Variants in MYOC observed in about 807,000 individuals in gnomAD.
MYOC encodes the protein myocilin.
Under a neutral mutation model 28.2 loss-of-function variants are expected in MYOC, and 29 were observed. The ratio of observed to expected loss-of-function variants is 1.03; its 90% CI spans 0.77 to 1.40. MYOC has a LOEUF of 1.40. MYOC is among the 40% of genes most tolerant of loss of function. The pLI is 0.00. For missense variants in MYOC, 569 were observed against 620.6 expected, an observed-to-expected ratio of 0.92 and a Z score of 0.88; for synonymous variants, 240 against 245.6, an observed-to-expected ratio of 0.98 and a Z score of 0.21.
In MYOC at chr1:171,652,224, G is replaced by C; in HGVS notation, c.388C>G (p.Gln130Glu). The C allele has an allele frequency of 6.2e-7, 1 of 1,614,176 alleles. No homozygotes were observed. The highest frequency in any genetic ancestry group is 8.5e-7 in the Non-Finnish European group (1 of 1,180,022). ...ELGTLRRERD[Q>E]LETQTRELET... Reference sequence around the variant, plus strand: ...AACTCTCTGGTTTGGGTTTCCAGCTGGTCCCGCTCCCGCCTCAGGGTGCCC... The same window carrying C: ...AACTCTCTGGTTTGGGTTTCCAGCTCGTCCCGCTCCCGCCTCAGGGTGCCC... The change falls in exon 1 of 3, where the codon CAG becomes GAG. Residue 130 changes from glutamine (Q) to glutamate (E), a missense_variant. Gln to Glu is a conservative substitution (Grantham distance 29). Coordinates refer to ENST00000037502, the MANE Select transcript of MYOC (RefSeq NM_000261.2).
rs1030834727 is a variant in MYOC at position 171,652,469 on chromosome 1, T to G, written c.143A>C (p.Gln48Pro). ...GGGACTGGCCACACTGAAGGTATAC[T>G]GGCATCGGCCACTCTGGTCATTGGC... The part of the protein sequence containing the change: ...RKANDQSGRC[Q>P]YTFSVASPNE... Residue 48 changes from glutamine to proline, a missense_variant, in exon 1 of 3, where the codon CAG becomes CCG. Gln to Pro is a moderately conservative substitution (Grantham distance 76). Coordinates refer to ENST00000037502, the MANE Select transcript of MYOC (RefSeq NM_000261.2). The G allele has an allele frequency of 1.9e-6, 3 of 1,614,080 alleles. No homozygotes were observed. The highest frequency in any genetic ancestry group is 2.5e-6 in the Non-Finnish European group (3 of 1,180,046).
rs761755712 is a variant in MYOC at position 171,636,573 on chromosome 1, G to T, written c.867C>A (p.Asp289Glu). Residue 289 changes from aspartate (D) to glutamate (E), a missense_variant, in exon 3 of 3, where the codon GAC becomes GAA. Physicochemically the swap from Asp to Glu is conservative, Grantham distance 45. Coordinates refer to ENST00000037502, the MANE Select transcript of MYOC (RefSeq NM_000261.2). ...PYTQETTWRI[D>E]TVGTDVRQVF... ...CCTGGCGGACATCCGTGCCAACTGT[G>T]TCGATTCTCCACGTGGTCTCCTGGG... 6.2e-7 allele frequency: 1 copy of T among 1,610,978 alleles called. No individual in the cohort carries two copies. Among genetic ancestry groups the T allele is most frequent in the Admixed American group, 1.7e-5 (1 of 59,796 alleles).
chr1:171,648,534 G>A (rs1653258296), intron 1 of MYOC, among the ~76,000 whole-genome samples: 1 of 150,628 alleles, frequency 6.6e-6, no homozygotes, highest in South Asian at 2.1e-4. Flanking sequence ...CAGGAGACCA[G>A]TCCAAAGCAG....
Position 171,636,530 on chromosome 1 carries a change from T to G in MYOC, c.910A>C (p.Ile304Leu). The G allele has an allele frequency of 6.2e-7, 1 of 1,609,754 alleles. No individual in the cohort carries two copies. The highest frequency in any genetic ancestry group is 8.5e-7 in the Non-Finnish European group (1 of 1,177,258). The change falls in exon 3 of 3, where the codon ATC becomes CTC. Residue 304 changes from isoleucine to leucine, a missense_variant. Physicochemically the swap from Ile to Leu is conservative, Grantham distance 5 (BLOSUM62 2). Transcript: ENST00000037502. ...DVRQVFEYDLISQFMQGYPSK... is the reference protein window; with the variant it reads ...DVRQVFEYDLLSQFMQGYPSK... The stretch of plus-strand genomic sequence containing the variant: ...GGGTAGCCCTGCATAAACTGGCTGA[T>G]GAGGTCATACTCAAAAACCTGGCGG...
intron 1 of MYOC, among the ~76,000 whole-genome samples, chr1:171,647,740 C>T (rs908944345): frequency 6.6e-6 from 1 of 152,136 alleles, no homozygotes; most frequent in Non-Finnish European, 1.5e-5. Context: ...TGTTGAACAC[C>T]TCAGGTTTCT....
Position 171,652,232 on chromosome 1 carries a change from T to C in MYOC, c.380A>G (p.Glu127Gly). Residue 127 changes from glutamate (E) to glycine (G), a missense_variant, in exon 1 of 3, where the codon GAG (glutamate) becomes GGG (glycine). Physicochemically the swap from Glu to Gly is moderately conservative, Grantham distance 98. Transcript: ENST00000037502. Reference protein sequence around the residue: ...LQRELGTLRRERDQLETQTRE... With the variant: ...LQRELGTLRRGRDQLETQTRE... ...GGTTTGGGTTTCCAGCTGGTCCCGC[T>C]CCCGCCTCAGGGTGCCCAGCTCCCT... The C allele has an allele frequency of 6.2e-7, 1 of 1,614,184 alleles. No homozygotes were observed. Among genetic ancestry groups the C allele is most frequent in the Non-Finnish European group, 8.5e-7 (1 of 1,180,030 alleles).
chr1:171,638,090 A>C (rs1309495734), intron 2 of MYOC, among the ~76,000 whole-genome samples: 2 of 152,214 alleles, frequency 1.3e-5, no homozygotes. Context: ...TGGAAATCAC[A>C]GTATTAGTCA....
chr1:171,648,878 G>C (rs945473876), intron 1 of MYOC, among the ~76,000 whole-genome samples: 4 of 150,600 alleles, frequency 2.7e-5, no homozygotes, highest in African/African-American at 9.7e-5. Flanking sequence ...GTAGAGACAA[G>C]TTTTCACCAC....
intron 1 of MYOC, among the ~76,000 whole-genome samples, chr1:171,639,975 A>AAAAAAAAAAAG: frequency 7.4e-6 from 1 of 134,278 alleles, no homozygotes; most frequent in African/African-American, 2.8e-5. Flanking sequence ...AAAAAAAAAG[A>AAAAAAAAAAAG]AGTGTGGCTC....
chr1:171,645,007 C>T lies in MYOC; in HGVS notation c.605-6285G>A, dbSNP rs141071125. Among the ~76,000 whole-genome samples the T allele has an allele frequency of 2.4e-4, 37 of 152,272 alleles. No homozygotes were observed. The East Asian group carries it at 6.4e-3, about 26-fold the overall frequency. On this transcript the variant is annotated intron_variant, in intron 1 of 2. Transcript: ENST00000037502. Reference sequence around the variant, plus strand: ...GCTGAGGAGGTGTGTCAGTTATAAACGCATTGCCTCTCAGAGCTGAATGCA... The same window carrying T: ...GCTGAGGAGGTGTGTCAGTTATAAATGCATTGCCTCTCAGAGCTGAATGCA...
In MYOC at chr1:171,636,192, G is replaced by C; in HGVS notation, c.1248C>G (p.Thr416=). The C allele has an allele frequency of 1.9e-6, 3 of 1,614,154 alleles. No homozygotes were observed. The highest frequency in any genetic ancestry group is 2.5e-6 in the Non-Finnish European group (3 of 1,180,030). The change falls in exon 3 of 3, where the codon ACC becomes ACG. Residue 416 remains threonine, a synonymous_variant. Coordinates refer to ENST00000037502, the MANE Select transcript of MYOC (RefSeq NM_000261.2). The part of the protein sequence containing the change: ...LNPENLELEQ[T]WETNIRKQSV... ...ACTGCTTACGGATGTTTGTCTCCCAGGTTTGTTCGAGTTCCAGATTCTCTG... is the reference window on the plus strand; with the variant it reads ...ACTGCTTACGGATGTTTGTCTCCCACGTTTGTTCGAGTTCCAGATTCTCTG...
rs1653108087 is a variant in MYOC at position 171,642,797 on chromosome 1, T to C, written c.605-4075A>G. 1.3e-5 allele frequency among the ~76,000 whole-genome samples: 2 copies of C among 150,776 alleles called. 1 individual carries two copies. The highest frequency in any genetic ancestry group is 4.2e-4 in the South Asian group (2 of 4,756). ...TTTATCCATCCTTTTAGTCACATCA[T>C]TGGAGCACCTATTGAGTGCAAGGCT... On this transcript the variant is annotated intron_variant, in intron 1 of 2. Transcript: ENST00000037502.
intron 1 of MYOC, among the ~76,000 whole-genome samples, chr1:171,649,501 T>C (rs868640988): frequency 1.3e-5 from 2 of 152,220 alleles, no homozygotes; most frequent in Middle Eastern, 3.4e-3. Context: ...TGAAAGTCAA[T>C]GAACCTCATG....
intron 1 of MYOC, among the ~76,000 whole-genome samples, chr1:171,648,965 G>A (rs1485268428): frequency 6.6e-6 from 1 of 151,072 alleles, no homozygotes; most frequent in African/African-American, 2.4e-5. Flanking sequence ...AAGGTTACAG[G>A]TGTGAGCCAC....
intron 1 of MYOC, among the ~76,000 whole-genome samples, chr1:171,648,897 G>A (rs1046532682): frequency 1.3e-5 from 2 of 150,796 alleles, no homozygotes; most frequent in African/African-American, 4.8e-5. Flanking sequence ...ACAGTGGCCA[G>A]GCTGGTCTTA....
intron 1 of MYOC, among the ~76,000 whole-genome samples, chr1:171,640,763 T>C (rs567346777): frequency 1.6e-3 from 241 of 152,198 alleles, no homozygotes; most frequent in African/African-American, 5.8e-3. Context: ...ACCCATCACA[T>C]ACACATAAAA....
At chr1:171,651,949 A>G in intron 1 of MYOC, 59 bp downstream of exon 1, 2 of 1,612,768 alleles carry the variant, frequency 1.2e-6, no homozygotes, top group Non-Finnish European at 1.7e-6. Flanking sequence ...CGCCTGTAGC[A>G]GGTCACTACG....
chr1:171,636,817 G>T (rs373841737), intron 2 of MYOC, 108 bp from the exon 3 acceptor site: 2 of 1,232,568 alleles, frequency 1.6e-6, no homozygotes, highest in Non-Finnish European at 1.2e-6. Flanking sequence ...TGACAGCCCT[G>T]GAGACAAATC....
At chr1:171,639,425 C>T (rs533845960) in intron 1 of MYOC, among the ~76,000 whole-genome samples, 3 of 152,108 alleles carry the variant, frequency 2.0e-5, no homozygotes, top group African/African-American at 4.8e-5. Context: ...GTCGTAATTT[C>T]AGGAATATGG....
Sources: gnomAD v4.1 joint callset for allele counts (sites outside exome capture counted in the v4.1 genomes callset) on GRCh38, gnomAD v4.1.1 for gene constraint, MANE v1.5 for transcripts, NCBI Gene and HGNC (gene_info 2026-07-23, HGNC 2026-07-21) for gene names.